PEBP4: variants seen among roughly 807,000 people sequenced by gnomAD.
PEBP4 encodes the protein phosphatidylethanolamine binding protein 4.
Under a neutral mutation model 23.9 loss-of-function variants are expected in PEBP4, and 22 were observed. The ratio of observed to expected loss-of-function variants is 0.92; its 90% CI spans 0.66 to 1.31. The LOEUF (loss-of-function observed/expected upper bound fraction) is 1.31, where lower values mean the gene tolerates loss of function less well. Among genes scored for constraint, PEBP4 ranks in the 40% most tolerant of loss-of-function variants. The pLI is 0.00. For synonymous variants in PEBP4, 112 were observed against 99.3 expected, an observed-to-expected ratio of 1.13 and a Z score of -0.76; for missense variants, 324 against 281.7, an observed-to-expected ratio of 1.15 and a Z score of -1.07.
intron 5 of PEBP4, among the ~76,000 whole-genome samples, chr8:22,725,312 C>T (rs1383238749): frequency 6.6e-6 from 1 of 152,118 alleles, no homozygotes; most frequent in Non-Finnish European, 1.5e-5. Context: ...CAAGAGAAGC[C>T]CATCTTCCTC....
intron 1 of PEBP4, among the ~76,000 whole-genome samples, chr8:22,938,545 T>A (rs950902004): frequency 1.3e-5 from 2 of 152,188 alleles, no homozygotes; most frequent in Non-Finnish European, 2.9e-5. Flanking sequence ...GGCTGTTACC[T>A]TCATGGAGGA....
Position 22,724,874 on chromosome 8 carries a change from G to T in PEBP4, c.486C>A (p.Ile162=), listed in dbSNP as rs1804591444. 6.2e-7 allele frequency: 1 copy of T among 1,613,926 alleles called. No individual in the cohort carries two copies. Among genetic ancestry groups the T allele is most frequent in the Non-Finnish European group, 8.5e-7 (1 of 1,179,896 alleles). Residue 162 remains isoleucine (I), a synonymous_variant, in exon 6 of 7, where the codon ATC becomes ATA. Coordinates refer to ENST00000256404, the MANE Select transcript of PEBP4 (RefSeq NM_144962.3). The part of the protein sequence containing the change: ...FFVYLQEGKV[I]SLLPKENKTR... ...TTTTGTTTTCCTTGGGAAGGAGAGA[G>T]ATGACTTTTCCTTCCTGAAGATAGA... is the stretch of plus-strand genomic sequence containing the variant.
intron 2 of PEBP4, among the ~76,000 whole-genome samples, chr8:22,922,551 C>G (rs928296381): frequency 6.9e-6 from 1 of 145,292 alleles, no homozygotes; most frequent in African/African-American, 2.5e-5. Flanking sequence ...ATAGTGAGAC[C>G]CTGTTTCTAC....
At chr8:22,768,840 C>T (rs1274247944) in intron 4 of PEBP4, among the ~76,000 whole-genome samples, 2 of 152,136 alleles carry the variant, frequency 1.3e-5, no homozygotes, top group African/African-American at 2.4e-5. Context: ...CCGGCAGATA[C>T]GAGGCAGAAG....
intron 4 of PEBP4, chr8:22,757,756 G>T (rs1805420591): frequency 6.6e-6 from 1 of 152,278 alleles, no homozygotes; most frequent in Admixed American, 6.5e-5. Flanking sequence ...AGAGAGTTGG[G>T]CCTGTGCTGA....
At position 22,758,425 on chromosome 8, in the gene PEBP4, C is replaced by G. The variant is rs375942165; in HGVS notation, c.358-31205G>C. ...TTTGTTTGTTTCTTTTCTTATAACC[C>G]TTTGAAAATGCAAAAACCTTTCTCA... On this transcript the variant is annotated intron_variant, in intron 4 of 6. Coordinates refer to ENST00000256404, the MANE Select transcript of PEBP4 (RefSeq NM_144962.3). Among the ~76,000 whole-genome samples, 53 of 152,318 alleles carry G rather than the reference C, an allele frequency of 3.5e-4. No individual in the cohort carries two copies. The East Asian group carries it at 6.2e-3, about 18-fold the overall frequency.
rs755238010 is a variant in PEBP4 at position 22,817,667 on chromosome 8, G to T, written c.327C>A (p.Phe109Leu). The part of the protein sequence containing the change: ...APSRAEPRQR[F>L]WRHWLVTDIK... Reference sequence around the variant, plus strand: ...TATCTGTTACCAGCCAATGTCTCCAGAATCTCTGTCTGGGTTCTGCTCTGC... The same window carrying T: ...TATCTGTTACCAGCCAATGTCTCCATAATCTCTGTCTGGGTTCTGCTCTGC... The change falls in exon 4 of 7, where the codon TTC becomes TTA. Residue 109 changes from phenylalanine (F) to leucine (L), a missense_variant. Transcript: ENST00000256404. 1 of 1,614,068 alleles carries T rather than the reference G, an allele frequency of 6.2e-7. No homozygotes were observed. Among genetic ancestry groups the T allele is most frequent in the Non-Finnish European group, 8.5e-7 (1 of 1,180,028 alleles).
chr8:22,746,992 A>AT (rs1358692714), intron 4 of PEBP4, among the ~76,000 whole-genome samples: 4 of 151,220 alleles, frequency 2.6e-5, no homozygotes, highest in African/African-American at 9.7e-5. Flanking sequence ...CACCCAGCTA[A>AT]TTTTTATAAT....
intron 4 of PEBP4, among the ~76,000 whole-genome samples, chr8:22,754,096 C>A (rs1805325537): frequency 6.6e-6 from 1 of 152,148 alleles, no homozygotes; most frequent in African/African-American, 2.4e-5. Context: ...TGGAAGCAAA[C>A]AGATCAAATT....
chr8:22,913,368 C>T (rs1185374648), intron 3 of PEBP4, among the ~76,000 whole-genome samples: 1 of 152,148 alleles, frequency 6.6e-6, no homozygotes, highest in Non-Finnish European at 1.5e-5. Flanking sequence ...CCTGCACCTC[C>T]CTCCTCTGTG....
At chr8:22,852,627 G>C (rs1009220558) in intron 3 of PEBP4, among the ~76,000 whole-genome samples, 2 of 151,702 alleles carry the variant, frequency 1.3e-5, no homozygotes, top group Non-Finnish European at 2.9e-5. Context: ...TTGTGAGTGT[G>C]AAGAAAATAT....
intron 4 of PEBP4, among the ~76,000 whole-genome samples, chr8:22,732,767 A>G (rs575321026): frequency 6.6e-6 from 1 of 152,074 alleles, no homozygotes; most frequent in South Asian, 2.1e-4. Flanking sequence ...AAATTATTCT[A>G]ATTGCAGAGA....
At chr8:22,795,365 C>CG (rs1400736389) in intron 4 of PEBP4, among the ~76,000 whole-genome samples, 1 of 151,064 alleles carries the variant, frequency 6.6e-6, no homozygotes, top group Non-Finnish European at 1.5e-5. Context: ...TTAGTAGAGA[C>CG]GGGGTTTCAC....
chr8:22,838,876 C>G (rs530644349), intron 3 of PEBP4, among the ~76,000 whole-genome samples: 1 of 152,228 alleles, frequency 6.6e-6, no homozygotes, highest in African/African-American at 2.4e-5. Flanking sequence ...GGGAACAGAA[C>G]GGGTAGTCAT....
chr8:22,774,559 G>A (rs146506645), intron 4 of PEBP4, among the ~76,000 whole-genome samples: 7 of 152,322 alleles, frequency 4.6e-5, no homozygotes, highest in South Asian at 2.1e-4. Context: ...AGGAGGCCCC[G>A]CAGGGAGGAG....
rs564893411 is a variant in PEBP4 at position 22,783,340 on chromosome 8, T to C, written c.357+34297A>G. ...AATGTGGATGGCAGACGTCTATGGA[T>C]GAACGCCTCCTGGGATTTCTGTGTG... On this transcript the variant is annotated intron_variant, in intron 4 of 6. Transcript: ENST00000256404. Among the ~76,000 whole-genome samples the C allele has an allele frequency of 5.2e-5, 8 of 152,388 alleles. No homozygotes were observed. The South Asian group carries it at 1.2e-3, about 24-fold the overall frequency.
At chr8:22,929,990 AC>A (rs1443703150), upstream of PEBP4, among the ~76,000 whole-genome samples, 3 of 152,334 alleles carry the variant, frequency 2.0e-5, no homozygotes, top group East Asian at 5.8e-4. Flanking sequence ...GGCGTGAGCC[AC>A]CGCGCCCAGC....
chr8:22,716,656 T>A (rs1804425406), intron 6 of PEBP4, among the ~76,000 whole-genome samples: 1 of 152,244 alleles, frequency 6.6e-6, no homozygotes, highest in African/African-American at 2.4e-5. Context: ...GTTTGTCACG[T>A]GCTGGACAAA....
chr8:22,781,249 G>A (rs569325848), intron 4 of PEBP4, among the ~76,000 whole-genome samples: 1 of 152,258 alleles, frequency 6.6e-6, no homozygotes, highest in South Asian at 2.1e-4. Context: ...CCTGCTTGGG[G>A]CCGGCCCCGC....
Sources: gnomAD v4.1 joint callset for allele counts (sites outside exome capture counted in the v4.1 genomes callset) on GRCh38, gnomAD v4.1.1 for gene constraint, MANE v1.5 for transcripts, NCBI Gene and HGNC (gene_info 2026-07-23, HGNC 2026-07-21) for gene names.